SPIDR: variants seen among roughly 807,000 people sequenced by gnomAD.
The protein encoded by SPIDR is scaffold protein involved in DNA repair.
SPIDR carries 93 observed loss-of-function variants against 104.6 expected under a neutral mutation model. The observed-to-expected ratio is 0.89, with a 90% CI of 0.75 to 1.06. SPIDR has a LOEUF of 1.06. Ranked by LOEUF, SPIDR falls within the 50% of genes least tolerant of loss-of-function variation. The pLI is 0.00. For missense variants in SPIDR, 1,154 were observed against 1,111.2 expected (o/e 1.04, Z -0.55); for synonymous variants, 431 against 416.9 (o/e 1.03, Z -0.41).
chr8:47,474,871 A>G lies in SPIDR; in HGVS notation c.1097+34329A>G, dbSNP rs370607405. Among the ~76,000 whole-genome samples the G allele has an allele frequency of 2.0e-4, 31 of 152,368 alleles. 1 individual carries two copies. The highest frequency in any genetic ancestry group is 7.2e-4 in the African/African-American group (30 of 41,586). On this transcript the variant is annotated intron_variant, in intron 8 of 19. Transcript: ENST00000297423. ...TTTTTAACTGTAATTGATTTGCTGA[A>G]AGCAGTTACATCTGTGGCTAAGCCA...
chr8:47,372,751 A>G (rs2154295999), intron 5 of SPIDR, among the ~76,000 whole-genome samples: 1 of 152,318 alleles, frequency 6.6e-6, no homozygotes, highest in African/African-American at 2.4e-5. Flanking sequence ...TTCATAGGGT[A>G]CATGTGCATG....
rs139495229 is a variant in SPIDR at position 47,665,501 on chromosome 8, A to C, written c.1545-8300A>C. Reference sequence around the variant, plus strand: ...TGGACTAGACCTAATTATTAGCTGCAGAACCCTAATTCTTACATAAAATTT... The same window carrying C: ...TGGACTAGACCTAATTATTAGCTGCCGAACCCTAATTCTTACATAAAATTT... On this transcript the variant is annotated intron_variant, in intron 10 of 19. Transcript: ENST00000297423. Among the ~76,000 whole-genome samples, 91 of 152,346 alleles carry C rather than the reference A, an allele frequency of 6.0e-4. No individual in the cohort carries two copies. In the East Asian group the frequency reaches 9.8e-3, roughly 16 times the overall value.
At position 47,599,308 on chromosome 8, in the gene SPIDR, G is replaced by A. The variant is rs370585708; in HGVS notation, c.1544+112G>A. 29 of 1,399,790 alleles carry A rather than the reference G, an allele frequency of 2.1e-5. No individual in the cohort carries two copies. In the East Asian group the frequency reaches 2.2e-4, roughly 11 times the overall value. 86.7% of individuals were successfully genotyped at this position (1,399,790 alleles called of 1,614,324 possible). On this transcript the variant is annotated intron_variant, in intron 10 of 19. Transcript: ENST00000297423. Reference sequence around the variant, plus strand: ...GTTCTTAGCTGCATTCACCATATACGTGAGCTGTTTTTGTTTTTCCTTGCA... The same window carrying A: ...GTTCTTAGCTGCATTCACCATATACATGAGCTGTTTTTGTTTTTCCTTGCA...
At position 47,701,949 on chromosome 8, in the gene SPIDR, T is replaced by C. The variant is rs956592771; in HGVS notation, c.1918-7T>C. 8 of 1,614,064 alleles carry C rather than the reference T, an allele frequency of 5.0e-6. No individual in the cohort carries two copies. Among genetic ancestry groups the C allele is most frequent in the Non-Finnish European group, 6.8e-6 (8 of 1,180,048 alleles). Reference sequence around the variant, plus strand: ...AATGCTGCCAACCTTTTCTAATTCCTTTCCAGATGAATGATCTTGGTACCC... The same window carrying C: ...AATGCTGCCAACCTTTTCTAATTCCCTTCCAGATGAATGATCTTGGTACCC... On this transcript the variant is annotated splice_polypyrimidine_tract_variant and splice_region_variant and intron_variant, in intron 13 of 19. Transcript: ENST00000297423.
intron 7 of SPIDR, 148 bp from the exon 8 acceptor site, chr8:47,440,175 C>T (rs1554695405): frequency 3.1e-6 from 2 of 646,970 alleles, no homozygotes; most frequent in African/African-American, 1.8e-5. Flanking sequence ...CGTAGTGTCT[C>T]TGTTTTACTT....
intron 1 of SPIDR, among the ~76,000 whole-genome samples, chr8:47,275,878 C>T (rs2036324488): frequency 6.6e-6 from 1 of 152,030 alleles, no homozygotes; most frequent in Non-Finnish European, 1.5e-5. Flanking sequence ...TTGTTTGAGA[C>T]TGGAACTTAT....
Position 47,691,186 on chromosome 8 carries a change from G to A in SPIDR, c.1686-9217G>A, listed in dbSNP as rs115814746. 5.0e-3 allele frequency among the ~76,000 whole-genome samples: 755 copies of A among 151,370 alleles called. 8 individuals are homozygous for A. The highest frequency in any genetic ancestry group is 0.017 in the African/African-American group (717 of 41,160). ...GCACGCCTGTAATCCCAGCTACTGG[G>A]AGCCCGAAACACGAGAATCACTTAA... is the stretch of plus-strand genomic sequence containing the variant. On this transcript the variant is annotated intron_variant, in intron 11 of 19. Transcript: ENST00000297423.
chr8:47,435,304 A>G (rs1228709045), intron 7 of SPIDR, among the ~76,000 whole-genome samples: 6 of 151,578 alleles, frequency 4.0e-5, no homozygotes, highest in African/African-American at 1.5e-4. Flanking sequence ...GTGAGCCACC[A>G]TGCTCAGTCA....
chr8:47,577,402 T>C (rs572246675), intron 8 of SPIDR, among the ~76,000 whole-genome samples: 1 of 152,216 alleles, frequency 6.6e-6, no homozygotes, highest in Non-Finnish European at 1.5e-5. Flanking sequence ...TGAGTAGCTG[T>C]TTCATCAGCC....
At chr8:47,672,758 A>G (rs1453642605) in intron 10 of SPIDR, among the ~76,000 whole-genome samples, 1 of 152,192 alleles carries the variant, frequency 6.6e-6, no homozygotes, top group Admixed American at 6.5e-5. Context: ...CTATTCCCAC[A>G]TGATGGTTTG....
intron 14 of SPIDR, among the ~76,000 whole-genome samples, chr8:47,711,379 A>G (rs1365460149): frequency 6.6e-6 from 1 of 152,040 alleles, no homozygotes; most frequent in African/African-American, 2.4e-5. Context: ...GCATCTTGCT[A>G]TGTTCACTAC....
intron 7 of SPIDR, among the ~76,000 whole-genome samples, chr8:47,422,377 C>T (rs1423934797): frequency 3.9e-5 from 6 of 152,180 alleles, no homozygotes; most frequent in African/African-American, 9.7e-5. Flanking sequence ...TAGCAATGAG[C>T]GAGGCTCTGT....
chr8:47,337,647 T>TA (rs782449309), intron 5 of SPIDR, among the ~76,000 whole-genome samples: 2,355 of 139,318 alleles, frequency 0.017, 18 homozygotes, highest in South Asian at 0.036. Flanking sequence ...AACCATTGTT[T>TA]AAAAAAAAAA....
chr8:47,313,126 TG>T (rs2044548264), intron 5 of SPIDR, among the ~76,000 whole-genome samples: 1 of 152,208 alleles, frequency 6.6e-6, no homozygotes. Flanking sequence ...AAATTGTCTC[TG>T]TTTGCAGATG....
chr8:47,528,350 A>C (rs1030511687), intron 8 of SPIDR, among the ~76,000 whole-genome samples: 1 of 152,194 alleles, frequency 6.6e-6, no homozygotes, highest in Non-Finnish European at 1.5e-5. Context: ...AGATCTTTAT[A>C]CTGCAGTCTG....
chr8:47,733,239 T>C (rs1275741758), intron 19 of SPIDR, among the ~76,000 whole-genome samples: 2 of 152,046 alleles, frequency 1.3e-5, no homozygotes, highest in East Asian at 3.8e-4. Context: ...ATTAAAAAAT[T>C]AGCCAGGCAT....
chr8:47,619,537 C>G (rs2064833043), intron 10 of SPIDR, among the ~76,000 whole-genome samples: 1 of 152,042 alleles, frequency 6.6e-6, no homozygotes, highest in Non-Finnish European at 1.5e-5. Context: ...CGCTTCCTCT[C>G]AGGGTCATGT....
chr8:47,466,706 C>CA lies in SPIDR; in HGVS notation c.1097+26176dup, dbSNP rs78296344. Among the ~76,000 whole-genome samples the CA allele has an allele frequency of 9.9e-4, 133 of 134,952 alleles. 1 individual carries two copies. The highest frequency in any genetic ancestry group is 1.9e-3 in the Admixed American group (26 of 13,596). The allele number at this position is 134,952 out of a possible 152,430, so 88.5% of individuals were successfully genotyped here. A position where few individuals can be genotyped will look rare whatever the true frequency, so the allele number is the denominator to read the frequency against. Reference sequence around the variant, plus strand: ...TGAAACCCCGTCTCTACGAAAAATACAAAAAAAAAAAAGTTAGATTCCAAT... The same window carrying CA: ...TGAAACCCCGTCTCTACGAAAAATACAAAAAAAAAAAAAGTTAGATTCCAAT... On this transcript the variant is annotated intron_variant, in intron 8 of 19. Transcript: ENST00000297423.
intron 5 of SPIDR, among the ~76,000 whole-genome samples, chr8:47,297,551 C>T (rs934417560): frequency 6.6e-6 from 1 of 152,060 alleles, no homozygotes; most frequent in Non-Finnish European, 1.5e-5. Flanking sequence ...CGGTGTGCTG[C>T]ACCCATTAAC....
Sources: gnomAD v4.1 joint callset for allele counts (sites outside exome capture counted in the v4.1 genomes callset) on GRCh38, gnomAD v4.1.1 for gene constraint, MANE v1.5 for transcripts, NCBI Gene and HGNC (gene_info 2026-07-23, HGNC 2026-07-21) for gene names.